AVEN: variants seen among roughly 807,000 people sequenced by gnomAD.
AVEN encodes cell death regulator Aven.
Under a neutral mutation model 38.1 loss-of-function variants are expected in AVEN, and 41 were observed. That is an observed-to-expected ratio of 1.08 (90% confidence interval 0.84 to 1.40). AVEN has a LOEUF of 1.40. Ranked by LOEUF, AVEN falls within the 40% of genes most tolerant of loss-of-function variation. AVEN has a pLI of 0.00. For missense variants in AVEN, 605 were observed against 438.8 expected (o/e 1.38, Z -3.38); for synonymous variants, 206 against 171.8 (o/e 1.20, Z -1.56).
intron 1 of AVEN, among the ~76,000 whole-genome samples, chr15:34,031,168 A>ATTTTTTTTTT (rs34414446): frequency 5.3e-4 from 36 of 67,584 alleles, no homozygotes; most frequent in East Asian, 1.1e-3. Context: ...GCTTAGGTTA[A>ATTTTTTTTTT]TTTTTTTTTT....
intron 2 of AVEN, among the ~76,000 whole-genome samples, chr15:33,971,817 T>A (rs535732): frequency 6.6e-6 from 1 of 151,962 alleles, no homozygotes; most frequent in Admixed American, 6.6e-5. Flanking sequence ...ATTTTCCTTA[T>A]GAAGTGACCA....
intron 2 of AVEN, among the ~76,000 whole-genome samples, chr15:33,983,128 C>CTGTG (rs373285133): frequency 0.014 from 1,929 of 135,288 alleles, 23 homozygotes; most frequent in South Asian, 0.02. Context: ...TGTCCATACT[C>CTGTG]TGTGTGTGTG....
intron 2 of AVEN, among the ~76,000 whole-genome samples, chr15:33,928,411 G>A (rs899988906): frequency 6.6e-6 from 1 of 152,124 alleles, no homozygotes; most frequent in African/African-American, 2.4e-5. Flanking sequence ...TGGCAGAGAG[G>A]GCTGTAGAGT....
intron 1 of AVEN, among the ~76,000 whole-genome samples, chr15:34,024,137 TGCCAGGCATTAG>T (rs1567473792): frequency 5.1e-5 from 7 of 137,184 alleles, no homozygotes; most frequent in African/African-American, 1.9e-4. Flanking sequence ...GCTGATACTA[TGCCAGGCATTAG>T]TCAGTGTGCT....
chr15:34,038,248 C>T (rs1402171484), intron 1 of AVEN, among the ~76,000 whole-genome samples: 1 of 152,206 alleles, frequency 6.6e-6, no homozygotes, highest in African/African-American at 2.4e-5. Context: ...TACTAGAGTC[C>T]AGTCGTAGGG....
At chr15:33,896,145 T>C (rs1352966237) in intron 2 of AVEN, among the ~76,000 whole-genome samples, 1 of 152,198 alleles carries the variant, frequency 6.6e-6, no homozygotes, top group Non-Finnish European at 1.5e-5. Context: ...ATAGTATTTA[T>C]AGGAATACAA....
At chr15:34,010,847 A>G (rs1483944203) in intron 1 of AVEN, among the ~76,000 whole-genome samples, 1 of 152,248 alleles carries the variant, frequency 6.6e-6, no homozygotes, top group Non-Finnish European at 1.5e-5. Flanking sequence ...TAACTGATTA[A>G]TAGTTAATTG....
chr15:33,910,766 G>A (rs1276199104), intron 2 of AVEN, among the ~76,000 whole-genome samples: 1 of 152,152 alleles, frequency 6.6e-6, no homozygotes, highest in Non-Finnish European at 1.5e-5. Context: ...GACCTGAAAA[G>A]AAATGGGAGT....
At position 33,866,743 on chromosome 15, in the gene AVEN, AC is replaced by A. The variant is rs1402940390; in HGVS notation, c.974-16del. On this transcript the variant is annotated splice_polypyrimidine_tract_variant and intron_variant, in intron 5 of 5. Coordinates refer to ENST00000306730, the MANE Select transcript of AVEN (RefSeq NM_020371.3). ...TTTTGCACAAACTGGGGGAAAAAAA[AC>A]AATGTTAACACCCTCAGATGAGTCC... 1 of 1,561,030 alleles carries A rather than the reference AC, an allele frequency of 6.4e-7. No individual in the cohort carries two copies. Among genetic ancestry groups the A allele is most frequent in the South Asian group, 1.1e-5 (1 of 89,802 alleles).
At chr15:33,936,304 A>G (rs1290842772) in intron 2 of AVEN, among the ~76,000 whole-genome samples, 1 of 152,248 alleles carries the variant, frequency 6.6e-6, no homozygotes, top group Non-Finnish European at 1.5e-5. Context: ...GACAAACTGC[A>G]AGGATTAATA....
At chr15:33,961,050 G>C (rs1002034648) in intron 2 of AVEN, among the ~76,000 whole-genome samples, 3 of 151,990 alleles carry the variant, frequency 2.0e-5, no homozygotes, top group Non-Finnish European at 4.4e-5. Context: ...GTCCAGGCTA[G>C]AGTGCACTGG....
In AVEN at chr15:34,025,868, G is replaced by A. The variant is rs146046131; in HGVS notation, c.267+12912C>T. 2.3e-3 allele frequency among the ~76,000 whole-genome samples: 346 copies of A among 152,206 alleles called. 3 individuals carry two copies. The highest frequency in any genetic ancestry group is 0.018 in the South Asian group (85 of 4,812). ...GTGATCATCTTGCCCCACAAAGCCC[G>A]TGTTTACACTTACCACACACAATAC... On this transcript the variant is annotated intron_variant, in intron 1 of 5. Transcript: ENST00000306730.
upstream of AVEN, among the ~76,000 whole-genome samples, chr15:34,042,622 CA>C (rs996502457): frequency 1.3e-5 from 2 of 151,854 alleles, no homozygotes; most frequent in African/African-American, 4.8e-5. Flanking sequence ...AGGCTGGTCT[CA>C]AACTCCCGAC....
intron 1 of AVEN, among the ~76,000 whole-genome samples, chr15:34,008,707 C>T (rs1193749455): frequency 1.3e-5 from 2 of 151,918 alleles, no homozygotes; most frequent in Non-Finnish European, 2.9e-5. Context: ...CCAGGATAGT[C>T]TCAATCTCCT....
chr15:33,941,530 C>T (rs528054097), intron 2 of AVEN, among the ~76,000 whole-genome samples: 3 of 152,272 alleles, frequency 2.0e-5, no homozygotes, highest in African/African-American at 7.2e-5. Flanking sequence ...CACAGTATAA[C>T]TTATATCTTG....
Position 34,039,156 on chromosome 15 carries a change from T to C in AVEN, c.-110A>G. 1.1e-6 allele frequency: 1 copy of C among 922,344 alleles called. No homozygotes were observed. Among genetic ancestry groups the C allele is most frequent in the Non-Finnish European group, 1.3e-6 (1 of 762,636 alleles). 57.1% of individuals were successfully genotyped at this position (922,344 alleles called of 1,614,324 possible). On this transcript the variant is annotated 5_prime_UTR_variant, in exon 1 of 6. Coordinates refer to ENST00000306730, the MANE Select transcript of AVEN (RefSeq NM_020371.3). ...GGAGCCGCGAGCGAAAGGCGCCCGG[T>C]AGCAGCGAGGCGCGGGGTGCGGGGC... is the stretch of plus-strand genomic sequence containing the variant.
At chr15:33,904,741 TTGCACACACA>T (rs1042542187) in intron 2 of AVEN, among the ~76,000 whole-genome samples, 1 of 150,190 alleles carries the variant, frequency 6.7e-6, no homozygotes, top group African/African-American at 2.5e-5. Context: ...ATATGCACGC[TTGCACACACA>T]TGCACACACA....
intron 1 of AVEN, among the ~76,000 whole-genome samples, chr15:34,013,666 T>G (rs575048275): frequency 6.6e-6 from 1 of 152,222 alleles, no homozygotes; most frequent in African/African-American, 2.4e-5. Flanking sequence ...GAAGTAAACA[T>G]ATATAGTGTG....
At chr15:33,863,713 CAT>C (rs1491367651), downstream of AVEN, among the ~76,000 whole-genome samples, 9 of 152,270 alleles carry the variant, frequency 5.9e-5, no homozygotes, top group Admixed American at 5.9e-4. Flanking sequence ...CTAACTTTTC[CAT>C]GACAGATATT....
Sources: allele counts gnomAD v4.1 joint callset (sites outside exome capture counted in the v4.1 genomes callset), GRCh38; gene constraint gnomAD v4.1.1; transcripts MANE v1.5; gene names NCBI Gene and HGNC (gene_info 2026-07-23, HGNC 2026-07-21).